The following WFDC3 variants were observed in gnomAD, a reference collection of about 807,000 sequenced individuals.
The protein encoded by WFDC3 is WAP four-disulfide core domain protein 3.
In WFDC3, 15 loss-of-function variants were observed where a neutral mutation model predicts 25.8. That is an observed-to-expected ratio of 0.58 (90% CI 0.39 to 0.89). The LOEUF is 0.89. Among genes scored for constraint, WFDC3 ranks in the 40% least tolerant of loss-of-function variants. The pLI is 0.00. For missense variants in WFDC3, 264 were observed against 289.8 expected (o/e 0.91, Z 0.65); for synonymous variants, 103 against 107.1 (o/e 0.96, Z 0.24).
intron 5 of WFDC3, among the ~76,000 whole-genome samples, chr20:45,776,810 G>A (rs939756362): frequency 1.3e-5 from 2 of 151,682 alleles, no homozygotes; most frequent in Non-Finnish European, 2.9e-5. Flanking sequence ...GCTTACCTAA[G>A]GTCACAAAGC....
At position 45,775,562 on chromosome 20, in the gene WFDC3, G is replaced by C; in HGVS notation, c.534C>G (p.Cys178Trp). The C allele has an allele frequency of 6.2e-7, 1 of 1,614,150 alleles. No individual in the cohort carries two copies. Among genetic ancestry groups the C allele is most frequent in the South Asian group, 1.1e-5 (1 of 91,080 alleles). The part of the protein sequence containing the change: ...GDCPKVLVGL[C>W]IVGCVMDENC... Reference sequence around the variant, plus strand: ...TCTCATCCATCACACAGCCAACAATGCACAGGCCCACCAGAACTTTTGGAC... The same window carrying C: ...TCTCATCCATCACACAGCCAACAATCCACAGGCCCACCAGAACTTTTGGAC... Residue 178 changes from cysteine (C) to tryptophan (W), a missense_variant, in exon 6 of 7, where the codon TGC becomes TGG. By Grantham distance (215) the Cys-to-Trp change is radical. Coordinates refer to ENST00000243938, the MANE Select transcript of WFDC3 (RefSeq NM_080614.2).
rs972953505 is a variant in WFDC3 at position 45,791,752 on chromosome 20, A to T, written c.-8+80T>A. 1.1e-5 allele frequency: 4 copies of T among 361,174 alleles called. No homozygotes were observed. The Admixed American group carries it at 1.4e-4, about 13-fold the overall frequency. The allele number at this position is 361,174 out of a possible 1,614,324, so 22.4% of individuals were successfully genotyped here. ...TTGGCCCAGCGGGAAACATCCCTTG[A>T]CTGAACCGCCACTGAACACCCACAC... On this transcript the variant is annotated intron_variant, in intron 1 of 6. Transcript: ENST00000243938.
intron 1 of WFDC3, chr20:45,790,873 C>A: frequency 2.1e-6 from 1 of 471,042 alleles, no homozygotes; most frequent in South Asian, 1.5e-5. Context: ...TGAAGTCTAG[C>A]TGGCAGAACC....
chr20:45,786,569 TA>T (rs1980676139), intron 4 of WFDC3, among the ~76,000 whole-genome samples: 4 of 152,186 alleles, frequency 2.6e-5, no homozygotes. Context: ...GCATGGGATC[TA>T]CCGTATTTTC....
intron 4 of WFDC3, among the ~76,000 whole-genome samples, chr20:45,778,294 A>G (rs1311947999): frequency 1.3e-5 from 2 of 152,204 alleles, no homozygotes; most frequent in Non-Finnish European, 2.9e-5. Flanking sequence ...ATGCAGCTAA[A>G]TGAATGACCA....
chr20:45,785,654 G>T (rs1156545454), intron 4 of WFDC3, among the ~76,000 whole-genome samples: 1 of 151,990 alleles, frequency 6.6e-6, no homozygotes, highest in East Asian at 1.9e-4. Flanking sequence ...AATATATTTG[G>T]AAGCACAAAT....
At chr20:45,775,264 T>C (rs952496407) in intron 6 of WFDC3, among the ~76,000 whole-genome samples, 153 bp downstream of exon 6, 3 of 152,212 alleles carry the variant, frequency 2.0e-5, no homozygotes, top group Admixed American at 2.0e-4. Flanking sequence ...TGTAAGCCTG[T>C]ACTGTTTGTA....
chr20:45,780,750 A>C (rs1429234216), intron 4 of WFDC3, among the ~76,000 whole-genome samples: 1 of 152,208 alleles, frequency 6.6e-6, no homozygotes, highest in Non-Finnish European at 1.5e-5. Flanking sequence ...GTCTGAGAGA[A>C]AGATGCCAGT....
At position 45,774,492 on chromosome 20, in the gene WFDC3, A is replaced by T. The variant is rs765447791; in HGVS notation, c.680-48T>A. On this transcript the variant is annotated intron_variant, in intron 6 of 6. Coordinates refer to ENST00000243938, the MANE Select transcript of WFDC3 (RefSeq NM_080614.2). ...GTCACAGCTGTGCCCTCCTGGCTTCAGCTACCTGAAATGTTTTCCCTCCAC... is the reference window on the plus strand; with the variant it reads ...GTCACAGCTGTGCCCTCCTGGCTTCTGCTACCTGAAATGTTTTCCCTCCAC... 3.1e-6 allele frequency: 5 copies of T among 1,613,744 alleles called. No individual in the cohort carries two copies. In the Admixed American group the frequency reaches 8.3e-5, roughly 27 times the overall value.
rs1308818285 is a variant in WFDC3 at position 45,776,988 on chromosome 20, G to A, written c.493+87C>T. The A allele has an allele frequency of 4.4e-6, 7 of 1,600,016 alleles. No individual in the cohort carries two copies. In the African/African-American group the frequency reaches 9.4e-5, roughly 21 times the overall value. Reference sequence around the variant, plus strand: ...GGGGGACCAGAGGGACAGGAAGGATGAGAATCCTAGCTCCTCCCAGGAAGG... The same window carrying A: ...GGGGGACCAGAGGGACAGGAAGGATAAGAATCCTAGCTCCTCCCAGGAAGG... On this transcript the variant is annotated intron_variant, in intron 5 of 6. Coordinates refer to ENST00000243938, the MANE Select transcript of WFDC3 (RefSeq NM_080614.2).
At chr20:45,776,597 C>CAAAA (rs1226620611) in intron 5 of WFDC3, among the ~76,000 whole-genome samples, 1 of 12,906 alleles carries the variant, frequency 7.7e-5, no homozygotes, top group African/African-American at 2.6e-4. Flanking sequence ...GACTCTGTCT[C>CAAAA]AAAAAAAAAA....
chr20:45,790,467 CA>C (rs1352261857), intron 1 of WFDC3, among the ~76,000 whole-genome samples: 1 of 152,170 alleles, frequency 6.6e-6, no homozygotes, highest in African/African-American at 2.4e-5. Flanking sequence ...TGGAACAGAC[CA>C]CTCAGAAACT....
intron 3 of WFDC3, 88 bp downstream of exon 3, chr20:45,788,843 C>A: frequency 2.7e-6 from 4 of 1,504,608 alleles, no homozygotes; most frequent in Non-Finnish European, 2.7e-6. Flanking sequence ...CCAGAGGCAA[C>A]CTAGAAGGTG....
At chr20:45,788,155 T>A in intron 3 of WFDC3, 173 bp from the exon 4 acceptor site, 1 of 542,026 alleles carries the variant, frequency 1.8e-6, no homozygotes, top group South Asian at 2.7e-5. Context: ...AATACAAAAT[T>A]AGTCGGGGGT....
At chr20:45,776,278 C>CTCTG (rs1555812707) in intron 5 of WFDC3, among the ~76,000 whole-genome samples, 17 of 102,038 alleles carry the variant, frequency 1.7e-4, no homozygotes, top group Admixed American at 5.3e-4. Flanking sequence ...GCTTTTATCT[C>CTCTG]TGTGTGTGTG....
At chr20:45,779,404 T>A (rs1260991073) in intron 4 of WFDC3, among the ~76,000 whole-genome samples, 7 of 152,174 alleles carry the variant, frequency 4.6e-5, no homozygotes, top group Non-Finnish European at 8.8e-5. Context: ...CCAAGGAGAA[T>A]ACATGCAGCT....
chr20:45,785,207 A>C (rs192648452), intron 4 of WFDC3, among the ~76,000 whole-genome samples: 1 of 152,328 alleles, frequency 6.6e-6, no homozygotes, highest in Admixed American at 6.5e-5. Context: ...ACAGTGGCTC[A>C]TGCCTGTAAT....
rs759472246 is a variant in WFDC3 at position 45,789,041 on chromosome 20, G to C, written c.101C>G (p.Pro34Arg). The change falls in exon 3 of 7, where the codon CCT (proline) becomes CGT (arginine). Residue 34 changes from proline to arginine, a missense_variant. Transcript: ENST00000243938. ...AGEHAKEGEC[P>R]PHKNPCKELC... ...CTCTTTGCATGGGTTCTTATGGGGA[G>C]GGCATTCTCCCTCTTTTGCTGCAAA... 11 of 1,612,484 alleles carry C rather than the reference G, an allele frequency of 6.8e-6. No individual in the cohort carries two copies. The highest frequency in any genetic ancestry group is 2.2e-5 in the East Asian group (1 of 44,818).
At chr20:45,782,152 C>G (rs2145685545) in intron 4 of WFDC3, among the ~76,000 whole-genome samples, 1 of 152,242 alleles carries the variant, frequency 6.6e-6, no homozygotes, top group South Asian at 2.1e-4. Context: ...ATCTTCACTC[C>G]AAAACCTCTT....
Sources: gnomAD v4.1 joint callset for allele counts (sites outside exome capture counted in the v4.1 genomes callset) on GRCh38, gnomAD v4.1.1 for gene constraint, MANE v1.5 for transcripts, NCBI Gene and HGNC (gene_info 2026-07-23, HGNC 2026-07-21) for gene names.